RAB38: variants seen among roughly 807,000 people sequenced by gnomAD.
RAB38 encodes the protein RAB38, member RAS oncogene family.
RAB38 carries 15 observed loss-of-function variants against 18.4 expected under a neutral mutation model. That is an observed-to-expected ratio of 0.82 (90% confidence interval 0.55 to 1.26). The LOEUF is 1.26. Among genes scored for constraint, RAB38 ranks in the 50% most tolerant of loss-of-function variants. RAB38 has a pLI of 0.00. For missense variants in RAB38, 294 were observed against 267.4 expected (o/e 1.10, Z -0.69); for synonymous variants, 101 against 104.4 (o/e 0.97, Z 0.20).
chr11:88,043,620 C>T, the RAB38 span, among the ~76,000 whole-genome samples: 18 of 138,772 alleles, frequency 1.3e-4, no homozygotes, highest in Admixed American at 1.2e-3. Flanking sequence ...ACCCTGCCCA[C>T]CGAGAACAAC....
At chr11:87,882,741 C>T in the RAB38 span, among the ~76,000 whole-genome samples, 18 of 151,794 alleles carry the variant, frequency 1.2e-4, no homozygotes, top group African/African-American at 4.3e-4. Context: ...TTGTTGTCGG[C>T]AGTAAAATTT....
intron 2 of RAB38, among the ~76,000 whole-genome samples, chr11:88,116,922 A>G (rs1427321390): frequency 3.3e-5 from 5 of 152,232 alleles, no homozygotes. Context: ...GGGAAAATCA[A>G]TGAAAATCCA....
the RAB38 span, among the ~76,000 whole-genome samples, chr11:87,942,748 C>G: frequency 1.9e-4 from 29 of 152,250 alleles, no homozygotes; most frequent in African/African-American, 6.7e-4. Context: ...CTGAAGATAA[C>G]AGGACGAACC....
the RAB38 span, among the ~76,000 whole-genome samples, chr11:87,878,270 CT>C: frequency 3.2e-5 from 4 of 123,562 alleles, no homozygotes; most frequent in Non-Finnish European, 7.1e-5. Context: ...ATCTATCTAT[CT>C]ATCTATCTAT....
chr11:87,896,589 C>G, the RAB38 span, among the ~76,000 whole-genome samples: 1 of 151,378 alleles, frequency 6.6e-6, no homozygotes, highest in Non-Finnish European at 1.5e-5. Context: ...AGTTGTTGGG[C>G]TAGGGAACAG....
chr11:87,974,571 G>T, the RAB38 span, among the ~76,000 whole-genome samples: 13,708 of 151,642 alleles, frequency 0.09, 863 homozygotes, highest in South Asian at 0.18. Flanking sequence ...AAAATTTGGA[G>T]AAATAATTTC....
the RAB38 span, among the ~76,000 whole-genome samples, chr11:88,056,230 T>C: frequency 6.6e-6 from 1 of 152,158 alleles, no homozygotes; most frequent in Non-Finnish European, 1.5e-5. Flanking sequence ...CCAGGCTGGA[T>C]ATTACAGATA....
At chr11:88,117,001 TG>T (rs759886160) in intron 2 of RAB38, among the ~76,000 whole-genome samples, 8 of 152,082 alleles carry the variant, frequency 5.3e-5, no homozygotes, top group South Asian at 2.1e-4. Context: ...GTCATTTTAG[TG>T]AAAATATAAG....
chr11:87,886,492 C>T, the RAB38 span, among the ~76,000 whole-genome samples: 1 of 151,876 alleles, frequency 6.6e-6, no homozygotes, highest in Non-Finnish European at 1.5e-5. Flanking sequence ...TCAAGTGCTG[C>T]AAACGGGATT....
the RAB38 span, among the ~76,000 whole-genome samples, chr11:87,861,015 G>A: frequency 6.6e-6 from 1 of 151,950 alleles, no homozygotes; most frequent in African/African-American, 2.4e-5. Context: ...TTTGCTGGAA[G>A]AAAGGTGAAA....
the RAB38 span, among the ~76,000 whole-genome samples, chr11:87,927,120 G>A: frequency 6.6e-6 from 1 of 152,022 alleles, no homozygotes; most frequent in African/African-American, 2.4e-5. Context: ...TGCTCAGAAA[G>A]AGGCGTCCCA....
chr11:88,028,649 T>G, the RAB38 span, among the ~76,000 whole-genome samples: 1 of 151,878 alleles, frequency 6.6e-6, no homozygotes, highest in Non-Finnish European at 1.5e-5. Flanking sequence ...ATGAAATGAA[T>G]GAAATGAAGC....
the RAB38 span, among the ~76,000 whole-genome samples, chr11:87,809,141 G>A: frequency 6.6e-6 from 1 of 152,128 alleles, no homozygotes; most frequent in South Asian, 2.1e-4. Context: ...TAACGTAAAT[G>A]AAGAAAGTGA....
At chr11:88,011,311 T>C in the RAB38 span, among the ~76,000 whole-genome samples, 1 of 152,204 alleles carries the variant, frequency 6.6e-6, no homozygotes, top group Non-Finnish European at 1.5e-5. Context: ...TTGTATAAGA[T>C]AGGGTTCTTG....
the RAB38 span, among the ~76,000 whole-genome samples, chr11:87,805,169 C>G: frequency 1.3e-5 from 2 of 152,164 alleles, no homozygotes; most frequent in African/African-American, 4.8e-5. Context: ...ATTGGTGTAT[C>G]TGGAGTGTGA....
At chr11:88,112,791 AAAAT>A (rs201370728), downstream of RAB38, among the ~76,000 whole-genome samples, 10,541 of 131,926 alleles carry the variant, frequency 0.08, 598 homozygotes, top group African/African-American at 0.19. Flanking sequence ...CAACAACAAC[AAAAT>A]ATATATATAT....
At chr11:87,838,689 C>T in the RAB38 span, among the ~76,000 whole-genome samples, 1 of 152,142 alleles carries the variant, frequency 6.6e-6, no homozygotes, top group East Asian at 1.9e-4. Context: ...TGTATCTGAA[C>T]CCCATGGTGG....
intron 2 of RAB38, among the ~76,000 whole-genome samples, chr11:88,146,285 G>C (rs1474146141): frequency 6.6e-6 from 1 of 152,178 alleles, no homozygotes; most frequent in Non-Finnish European, 1.5e-5. Flanking sequence ...CTGCAGAGAT[G>C]TCAAAGCTGA....
At chr11:88,068,674 T>C in the RAB38 span, among the ~76,000 whole-genome samples, 1 of 152,250 alleles carries the variant, frequency 6.6e-6, no homozygotes, top group Admixed American at 6.5e-5. Context: ...ACACTTGCCC[T>C]AACATGACAA....
Sources: gnomAD v4.1 joint callset for allele counts (sites outside exome capture counted in the v4.1 genomes callset) on GRCh38, gnomAD v4.1.1 for gene constraint, MANE v1.5 for transcripts, NCBI Gene and HGNC (gene_info 2026-07-23, HGNC 2026-07-21) for gene names.